PLXNB2: variants seen among roughly 807,000 people sequenced by gnomAD.
PLXNB2 encodes plexin B2.
PLXNB2 carries 85 observed loss-of-function variants against 202.6 expected under a neutral mutation model. The observed-to-expected ratio is 0.42, with a 90% CI of 0.35 to 0.50. The LOEUF is 0.50. PLXNB2 is among the 20% of genes least tolerant of loss of function. The pLI is 0.02. For synonymous variants in PLXNB2, 1,239 were observed against 1,137.6 expected (o/e 1.09, Z -1.79); for missense variants, 2,063 against 2,586.2 (o/e 0.80, Z 4.39).
chr22:50,290,136 CCCT>C lies in PLXNB2; in HGVS notation c.446_448del (p.Glu149del). 1 of 1,613,012 alleles carries C rather than the reference CCCT, an allele frequency of 6.2e-7. No homozygotes were observed. Among genetic ancestry groups the C allele is most frequent in the Non-Finnish European group, 8.5e-7 (1 of 1,179,984 alleles). On this transcript the variant is annotated inframe_deletion, in exon 3 of 37. Transcript: ENST00000359337. ...GCTCACCAGCCCCACTGTGGCCACG[CCCT>C]CATCATTGCTGGCCACGAAAGACTT...
rs1474709864 is a variant in PLXNB2 at position 50,282,704 on chromosome 22, G to A, written c.2987+7C>T. 2.5e-6 allele frequency: 4 copies of A among 1,596,970 alleles called. No individual in the cohort carries two copies. Among genetic ancestry groups the A allele is most frequent in the Non-Finnish European group, 3.4e-6 (4 of 1,170,050 alleles). On this transcript the variant is annotated splice_region_variant and intron_variant, in intron 18 of 36. Coordinates refer to ENST00000359337, the MANE Select transcript of PLXNB2 (RefSeq NM_012401.4). ...AGCAGAGGGGGGCGGGGGGACACCA[G>A]CCTCACCTGGCAAAGCTTCGTAGCG...
chr22:50,279,385 G>A (rs1284406987), intron 27 of PLXNB2, among the ~76,000 whole-genome samples: 2 of 152,216 alleles, frequency 1.3e-5, no homozygotes, highest in Non-Finnish European at 2.9e-5. Flanking sequence ...GCCCTTGTAT[G>A]GCCTCCAGGA....
At position 50,284,778 on chromosome 22, in the gene PLXNB2, C is replaced by G; in HGVS notation, c.2089-113G>C. 1 of 815,136 alleles carries G rather than the reference C, an allele frequency of 1.2e-6. No individual in the cohort carries two copies. The highest frequency in any genetic ancestry group is 2.2e-6 in the Non-Finnish European group (1 of 455,756). The allele number at this position is 815,136 out of a possible 1,614,324, so 50.5% of individuals were successfully genotyped here. ...TACAGTGTGGGAGCCCTCTCCTCAC[C>G]CCACACATGCCCGCCCCTCAGATTA... is the stretch of plus-strand genomic sequence containing the variant. On this transcript the variant is annotated intron_variant, in intron 11 of 36. Coordinates refer to ENST00000359337, the MANE Select transcript of PLXNB2 (RefSeq NM_012401.4). This position sits in a 1 kb window ranked among gnomAD's most constrained non-coding sequence, Gnocchi z 8.0.
Position 50,280,681 on chromosome 22 carries a change from C to A in PLXNB2, c.3994-11G>T. The A allele has an allele frequency of 6.2e-7, 1 of 1,609,026 alleles. No individual in the cohort carries two copies. Among genetic ancestry groups the A allele is most frequent in the East Asian group, 2.2e-5 (1 of 44,760 alleles). On this transcript the variant is annotated splice_polypyrimidine_tract_variant and intron_variant, in intron 24 of 36. Transcript: ENST00000359337. ...CAGGGTGTGGATGAACTGTAGGGGC[C>A]GGCGGTCAAAGCCTGCCCGGCGCCA... is the stretch of plus-strand genomic sequence containing the variant.
At chr22:50,287,391 C>T (rs1376024596) in intron 7 of PLXNB2, 127 bp from the exon 8 acceptor site, 1 of 1,087,818 alleles carries the variant, frequency 9.2e-7, no homozygotes, top group African/African-American at 1.6e-5. Flanking sequence ...GACTCCACGT[C>T]TTCCAATACA....
Position 50,284,224 on chromosome 22 carries a change from C to T in PLXNB2, c.2182-11G>A, listed in dbSNP as rs774501833. On this transcript the variant is annotated splice_polypyrimidine_tract_variant and intron_variant, in intron 12 of 36. Coordinates refer to ENST00000359337, the MANE Select transcript of PLXNB2 (RefSeq NM_012401.4). The surrounding 1 kb of genome is among the most constrained non-coding windows in gnomAD (Gnocchi z 8.0). ...GGCATCGTGGGACAGCTGGGGGACA[C>T]GCAGGGGCACACTGCACTTCCTGCC... 6.2e-6 allele frequency: 10 copies of T among 1,611,964 alleles called. No individual in the cohort carries two copies. The highest frequency in any genetic ancestry group is 3.3e-4 in the Middle Eastern group (2 of 6,054).
chr22:50,295,602 G>A (rs1301240863), intron 1 of PLXNB2, among the ~76,000 whole-genome samples: 1 of 152,202 alleles, frequency 6.6e-6, no homozygotes, highest in African/African-American at 2.4e-5. Context: ...TATACCCACA[G>A]GGAGGCACAG....
At chr22:50,296,448 A>T (rs765343241) in intron 1 of PLXNB2, among the ~76,000 whole-genome samples, 1 of 151,748 alleles carries the variant, frequency 6.6e-6, no homozygotes, top group African/African-American at 2.4e-5. Context: ...GCTTGTCTAA[A>T]TAAGAAGCTG....
Position 50,289,719 on chromosome 22 carries a change from G to C in PLXNB2, c.866C>G (p.Ser289Cys), listed in dbSNP as rs2066734788. 14 of 1,611,840 alleles carry C rather than the reference G, an allele frequency of 8.7e-6. No individual in the cohort carries two copies. The highest frequency in any genetic ancestry group is 1.1e-5 in the Non-Finnish European group (13 of 1,179,934). The change falls in exon 3 of 37, where the codon TCT (serine) becomes TGT (cysteine). Residue 289 changes from serine (S) to cysteine (C), a missense_variant. Ser to Cys is a moderately radical substitution (Grantham distance 112). Coordinates refer to ENST00000359337, the MANE Select transcript of PLXNB2 (RefSeq NM_012401.4). This position sits in a 1 kb window ranked among gnomAD's most constrained non-coding sequence, Gnocchi z 8.0. ...GAAGACAGCATATAGCACCCTGCCA[G>C]AGCCAGGCGCAGCCACGGAGGCGGC... Reference protein sequence around the residue: ...CLAASVAAPGSGRVLYAVFSR... With the variant: ...CLAASVAAPGCGRVLYAVFSR...
At position 50,281,862 on chromosome 22, in the gene PLXNB2, G is replaced by T; in HGVS notation, c.3337C>A (p.His1113Asn). Residue 1113 changes from histidine (H) to asparagine (N), a missense_variant, in exon 20 of 37, where the codon CAC becomes AAC. This residue lies in a region of PLXNB2 where 760 missense variants were observed against 1,109.4 expected (regional missense o/e 0.69). Coordinates refer to ENST00000359337, the MANE Select transcript of PLXNB2 (RefSeq NM_012401.4). ...GVKKQVNKLI[H>N]ARGTNLNKAM... is the part of the protein sequence containing the mutation. ...GGCTGCACCGTCCTCACCCGGGCGTGGATGAGCTTGTTGACCTGCTTCTTG... is the reference window on the plus strand; with the variant it reads ...GGCTGCACCGTCCTCACCCGGGCGTTGATGAGCTTGTTGACCTGCTTCTTG... The T allele has an allele frequency of 6.2e-7, 1 of 1,612,348 alleles. No individual in the cohort carries two copies.
intron 1 of PLXNB2, among the ~76,000 whole-genome samples, chr22:50,301,837 C>G (rs2147716051): frequency 6.6e-6 from 1 of 152,388 alleles, no homozygotes; most frequent in African/African-American, 2.4e-5. Context: ...TCGCCCATCA[C>G]CGCTGAACCC....
intron 33 of PLXNB2, among the ~76,000 whole-genome samples, chr22:50,277,298 C>T (rs756374212): frequency 8.8e-5 from 9 of 102,292 alleles, no homozygotes; most frequent in Non-Finnish European, 1.7e-4. Context: ...GAGACTCCAT[C>T]TCAAAAAAAA....
chr22:50,283,818 C>T lies in PLXNB2; in HGVS notation c.2421+15G>A. The T allele has an allele frequency of 6.2e-7, 1 of 1,611,052 alleles. No individual in the cohort carries two copies. The highest frequency in any genetic ancestry group is 8.5e-7 in the Non-Finnish European group (1 of 1,178,218). On this transcript the variant is annotated intron_variant, in intron 14 of 36. Coordinates refer to ENST00000359337, the MANE Select transcript of PLXNB2 (RefSeq NM_012401.4). ...GGGACGAGGGAAGGTGTAGGCCAGGCTTCGAGGGGCTCACCCTGGTGATGA... is the reference window on the plus strand; with the variant it reads ...GGGACGAGGGAAGGTGTAGGCCAGGTTTCGAGGGGCTCACCCTGGTGATGA...
At chr22:50,302,375 G>A (rs2147720278) in intron 1 of PLXNB2, among the ~76,000 whole-genome samples, 1 of 152,310 alleles carries the variant, frequency 6.6e-6, no homozygotes, top group South Asian at 2.1e-4. Context: ...CGTGGCTGGA[G>A]CTGTGTGGGG....
Position 50,284,095 on chromosome 22 carries a change from T to G in PLXNB2, c.2263+37A>C. ...CCACCCACCGCCTTGTGCCCACCCGTCCCCTGCCCGCCCCCCACTGCGCCC... is the reference window on the plus strand; with the variant it reads ...CCACCCACCGCCTTGTGCCCACCCGGCCCCTGCCCGCCCCCCACTGCGCCC... On this transcript the variant is annotated intron_variant, in intron 13 of 36. Transcript: ENST00000359337. The surrounding 1 kb of genome is among the most constrained non-coding windows in gnomAD (Gnocchi z 8.0). 1.6e-6 allele frequency: 2 copies of G among 1,219,282 alleles called. No individual in the cohort carries two copies. Among genetic ancestry groups the G allele is most frequent in the Non-Finnish European group, 2.3e-6 (2 of 873,416 alleles). 75.5% of individuals were successfully genotyped at this position (1,219,282 alleles called of 1,614,324 possible). A position where few individuals can be genotyped will look rare whatever the true frequency, so the allele number is the denominator to read the frequency against.
intron 2 of PLXNB2, among the ~76,000 whole-genome samples, chr22:50,292,880 C>T (rs1205018460): frequency 6.6e-6 from 1 of 152,216 alleles, no homozygotes; most frequent in Non-Finnish European, 1.5e-5. Flanking sequence ...CCTGGGAGTG[C>T]ACCCATTAGA....
chr22:50,283,895 T>C lies in PLXNB2; in HGVS notation c.2359A>G (p.Arg787Gly), dbSNP rs762363550. The C allele has an allele frequency of 1.4e-5, 22 of 1,595,450 alleles. 1 individual carries two copies. In the South Asian group the frequency reaches 2.4e-4, roughly 17 times the overall value. Residue 787 changes from arginine (R) to glycine (G), a missense_variant, in exon 14 of 37, where the codon AGG (arginine) becomes GGG (glycine). Around this residue, in one of 2 missense-constraint regions of PLXNB2, gnomAD observed 1,303 missense variants for 1,476.8 expected, o/e 0.88. Transcript: ENST00000359337. ...YRCAWCGGQS[R>G]CVYEALCNTT... is the part of the protein sequence containing the mutation. The stretch of plus-strand genomic sequence containing the variant: ...TTGCACAGGGCCTCATACACGCACC[T>C]GCTCTGGCCCCCGCACCACGCACAC...
intron 1 of PLXNB2, among the ~76,000 whole-genome samples, chr22:50,301,745 G>A (rs1210970543): frequency 1.3e-5 from 2 of 152,244 alleles, no homozygotes; most frequent in African/African-American, 4.8e-5. Flanking sequence ...GGACGGGTGA[G>A]GCCCCAGCCA....
Position 50,283,441 on chromosome 22 carries a change from C to T in PLXNB2, c.2575G>A (p.Val859Met), listed in dbSNP as rs780634166. 5.6e-6 allele frequency: 9 copies of T among 1,612,794 alleles called. No homozygotes were observed. The highest frequency in any genetic ancestry group is 2.2e-5 in the East Asian group (1 of 44,864). ...PERYSVSTRI[V>M]CVIEAAETPF... ...GTCTCCGCAGCCTCGATCACACACA[C>T]GATCCTGGCGGGCGACAGGCAGTGT... Residue 859 changes from valine (V) to methionine (M), a missense_variant, in exon 16 of 37, where the codon GTG (valine) becomes ATG (methionine). By Grantham distance (21) the Val-to-Met change is conservative. This residue lies in a region of PLXNB2 where 1,303 missense variants were observed against 1,476.8 expected (regional missense o/e 0.88). Coordinates refer to ENST00000359337, the MANE Select transcript of PLXNB2 (RefSeq NM_012401.4).
Sources: allele counts gnomAD v4.1 joint callset (sites outside exome capture counted in the v4.1 genomes callset), GRCh38; gene constraint gnomAD v4.1.1; regional missense constraint gnomAD v4.1.1; non-coding constraint Gnocchi (gnomAD v3.1); transcripts MANE v1.5; gene names NCBI Gene and HGNC (gene_info 2026-07-23, HGNC 2026-07-21).